Variants in SPDYE5 observed in about 807,000 individuals in gnomAD.
The protein encoded by SPDYE5 is speedy protein E5.
A neutral mutation model predicts 48.5 loss-of-function variants in SPDYE5; 15 were observed. The observed-to-expected ratio is 0.31, with a 90% CI of 0.21 to 0.48. The LOEUF is 0.48. SPDYE5 is among the 20% of genes least tolerant of loss of function. The probability of loss-of-function intolerance (pLI) is 0.99; values close to 1 mark genes in which losing one functional copy is unlikely to be tolerated. For synonymous variants in SPDYE5, 116 were observed against 200.7 expected (o/e 0.58, Z 3.57); for missense variants, 331 against 549.1 (o/e 0.60, Z 3.97).
rs1554481858 is a variant in SPDYE5, at chr7:75,492,344, G to C, written c.-519G>C. Among the ~76,000 whole-genome samples the C allele has an allele frequency of 2.6e-5, 4 of 152,050 alleles. No homozygotes were observed. The stretch of plus-strand genomic sequence containing the variant: ...TAACAATGGGACTTCCACAGCAATG[G>C]GATCTGCTTCCTCTTTCAGTGTGTG... On this transcript the variant is annotated 5_prime_UTR_variant, in exon 1 of 9. Coordinates refer to ENST00000625065, the MANE Select transcript of SPDYE5 (RefSeq NM_001306141.4).
upstream of SPDYE5, among the ~76,000 whole-genome samples, chr7:75,491,867 C>G (rs1792748322): frequency 6.6e-6 from 1 of 151,754 alleles, no homozygotes; most frequent in African/African-American, 2.4e-5. Flanking sequence ...TGTGCACCCC[C>G]ACGCCCAGCT....
chr7:75,494,291 A>T, intron 2 of SPDYE5, 84 bp downstream of exon 2: 9 of 1,501,950 alleles, frequency 6.0e-6, no homozygotes, highest in Non-Finnish European at 8.0e-6. Flanking sequence ...CACGCCTGTA[A>T]CCCCAGCACT....
intron 2 of SPDYE5, 125 bp downstream of exon 2, chr7:75,494,332 G>A (rs1792844801): frequency 7.4e-7 from 1 of 1,348,932 alleles, no homozygotes; most frequent in Non-Finnish European, 9.9e-7. Context: ...GATCACCTGA[G>A]GTCAGGAGTT....
intron 6 of SPDYE5, 128 bp downstream of exon 6, chr7:75,499,444 G>A: frequency 5.7e-6 from 4 of 696,648 alleles, no homozygotes; most frequent in South Asian, 4.9e-5. Context: ...AAAAAGAGAG[G>A]ATTATACTAT....
In SPDYE5 at chr7:75,501,927, A is replaced by C. The variant is rs794362; in HGVS notation, c.1199A>C (p.His400Pro). 2.5e-6 allele frequency: 4 copies of C among 1,605,868 alleles called. No homozygotes were observed. In the East Asian group the frequency reaches 8.9e-5, roughly 36 times the overall value. The change falls in exon 8 of 9, where the codon CAC becomes CCC. Residue 400 changes from histidine to proline, a missense_variant. By Grantham distance (77) the His-to-Pro change is moderately conservative (BLOSUM62 -2). Coordinates refer to ENST00000625065, the MANE Select transcript of SPDYE5 (RefSeq NM_001306141.4). ...TGGGTGTGGGCGCGAGATCGCGCTCACCTTTCCTAGAGCTCCAGGGACCGT... is the reference window on the plus strand; with the variant it reads ...TGGGTGTGGGCGCGAGATCGCGCTCCCCTTTCCTAGAGCTCCAGGGACCGT... ...EHWVWARDRA[H>P]LS
At chr7:75,501,270 A>G (rs794364) in intron 6 of SPDYE5, 92 bp from the exon 7 acceptor site, 671,101 of 1,579,844 alleles carry the variant, frequency 0.42, 153,793 homozygotes, top group East Asian at 0.9. Flanking sequence ...TGAGCTAGGG[A>G]CGGTCCCTTA....
chr7:75,495,630 G>C (rs1352212378), intron 3 of SPDYE5, among the ~76,000 whole-genome samples: 1 of 152,226 alleles, frequency 6.6e-6, no homozygotes. Flanking sequence ...TGAGATCCTA[G>C]CACGTTGGGA....
rs1426507038 is a variant in SPDYE5 at position 75,504,170 on chromosome 7, T to C, written c.*1383T>C. ...GAGAATTCAGGTGTAATTTTTTACC[T>C]TGTTTTGGCATGTTTGTATGTTACT... On this transcript the variant is annotated 3_prime_UTR_variant, in exon 9 of 9. Coordinates refer to ENST00000625065, the MANE Select transcript of SPDYE5 (RefSeq NM_001306141.4). 8.5e-5 allele frequency: 13 copies of C among 152,212 alleles called. No homozygotes were observed. The allele number at this position is 152,212 out of a possible 1,614,324, so 9.4% of individuals were successfully genotyped here. A position where few individuals can be genotyped will look rare whatever the true frequency, so the allele number is the denominator to read the frequency against.
In SPDYE5 at chr7:75,493,917, G is replaced by A. The variant is rs62477719; in HGVS notation, c.-131G>A. The A allele has an allele frequency of 0.42, 616,587 of 1,479,992 alleles. 135,518 individuals carry two copies. The highest frequency in any genetic ancestry group is 0.71 in the East Asian group (28,444 of 40,126). 91.7% of individuals were successfully genotyped at this position (1,479,992 alleles called of 1,614,324 possible). ...TCCGACCATCCTGATTGGAGGGACC[G>A]GACTCCGTGGTGCCTGGAGATCAGT... On this transcript the variant is annotated 5_prime_UTR_variant, in exon 2 of 9. Coordinates refer to ENST00000625065, the MANE Select transcript of SPDYE5 (RefSeq NM_001306141.4).
Position 75,501,620 on chromosome 7 carries a change from G to C in SPDYE5, c.1014G>C (p.Arg338=). Residue 338 remains arginine, a synonymous_variant, in exon 7 of 9, where the codon CGG becomes CGC. Coordinates refer to ENST00000625065, the MANE Select transcript of SPDYE5 (RefSeq NM_001306141.4). The part of the protein sequence containing the change: ...RSRIPLLRKR[R]FQLGRSMNLR... ...GCATACCCTTGCTCCGTAAGCGTCG[G>C]TTCCAGTTAGGCCGTTCCATGAACC... 6.2e-7 allele frequency: 1 copy of C among 1,613,178 alleles called. No homozygotes were observed. Among genetic ancestry groups the C allele is most frequent in the Non-Finnish European group, 8.5e-7 (1 of 1,179,652 alleles).
In SPDYE5 at chr7:75,494,017, T is replaced by C. The variant is rs1243644882; in HGVS notation, c.-31T>C. 20 of 1,333,772 alleles carry C rather than the reference T, an allele frequency of 1.5e-5. No homozygotes were observed. Among genetic ancestry groups the C allele is most frequent in the Non-Finnish European group, 1.7e-5 (17 of 984,638 alleles). The allele number at this position is 1,333,772 out of a possible 1,614,324, so 82.6% of individuals were successfully genotyped here. Reference sequence around the variant, plus strand: ...GGCTTGAGAATTGATAACATACTCTTCTGGATCCTAGCAGTGATCAGAAGA... The same window carrying C: ...GGCTTGAGAATTGATAACATACTCTCCTGGATCCTAGCAGTGATCAGAAGA... On this transcript the variant is annotated 5_prime_UTR_variant, in exon 2 of 9. Coordinates refer to ENST00000625065, the MANE Select transcript of SPDYE5 (RefSeq NM_001306141.4).
chr7:75,503,796 TTAAA>T lies in SPDYE5; in HGVS notation c.*1012_*1015del, dbSNP rs2116633137. 1 of 149,800 alleles carries T rather than the reference TTAAA, an allele frequency of 6.7e-6. No homozygotes were observed. Among genetic ancestry groups the T allele is most frequent in the African/African-American group, 2.4e-5 (1 of 41,190 alleles). 9.3% of individuals were successfully genotyped at this position (149,800 alleles called of 1,614,324 possible). A position where few individuals can be genotyped will look rare whatever the true frequency, so the allele number is the denominator to read the frequency against. ...ATTATTTTATTTATTGAAATATTTA[TTAAA>T]TATATTTATTTAAATATTATTACTT... On this transcript the variant is annotated 3_prime_UTR_variant, in exon 9 of 9. Coordinates refer to ENST00000625065, the MANE Select transcript of SPDYE5 (RefSeq NM_001306141.4).
chr7:75,498,399 T>C (rs1262612776), intron 5 of SPDYE5, among the ~76,000 whole-genome samples: 13 of 152,090 alleles, frequency 8.5e-5, no homozygotes, highest in African/African-American at 2.4e-4. Flanking sequence ...GCTGAGATTA[T>C]AGACGTCAGC....
At chr7:75,499,072 ACCCCTCCATC>A (rs1409990941) in intron 5 of SPDYE5, among the ~76,000 whole-genome samples, 149 bp from the exon 6 acceptor site, 1 of 148,784 alleles carries the variant, frequency 6.7e-6, no homozygotes, top group Non-Finnish European at 1.5e-5. Flanking sequence ...ACCTTCGAAT[ACCCCTCCATC>A]CCGCAATTTC....
At chr7:75,495,842 C>A (rs1316246732) in intron 3 of SPDYE5, among the ~76,000 whole-genome samples, 1 of 151,934 alleles carries the variant, frequency 6.6e-6, no homozygotes, top group Non-Finnish European at 1.5e-5. Context: ...TTGTTCGAGA[C>A]CAACCAGACC....
Position 75,493,838 on chromosome 7 carries a change from T to A in SPDYE5, c.-210T>A. 6.9e-7 allele frequency: 1 copy of A among 1,439,366 alleles called. No individual in the cohort carries two copies. The highest frequency in any genetic ancestry group is 9.1e-7 in the Non-Finnish European group (1 of 1,102,156). 89.2% of individuals were successfully genotyped at this position (1,439,366 alleles called of 1,614,324 possible). A position where few individuals can be genotyped will look rare whatever the true frequency, so the allele number is the denominator to read the frequency against. On this transcript the variant is annotated 5_prime_UTR_variant, in exon 2 of 9. An upstream start codon of the reference 5' UTR is lost. Coordinates refer to ENST00000625065, the MANE Select transcript of SPDYE5 (RefSeq NM_001306141.4). Reference sequence around the variant, plus strand: ...ACAAGAGATCAGCCTGGCAGTTACATGTGTTTTTTTTCAAACTGGTTGCCA... The same window carrying A: ...ACAAGAGATCAGCCTGGCAGTTACAAGTGTTTTTTTTCAAACTGGTTGCCA...
chr7:75,503,142 GA>G lies in SPDYE5; in HGVS notation c.*356del, dbSNP rs1167849942. The G allele has an allele frequency of 2.2e-6, 1 of 447,164 alleles. No individual in the cohort carries two copies. The highest frequency in any genetic ancestry group is 4.4e-6 in the Non-Finnish European group (1 of 226,656). The allele number at this position is 447,164 out of a possible 1,614,324, so 27.7% of individuals were successfully genotyped here. ...TCCAACCTCCCTGGGGCGGAACCTG[GA>G]GGTCCTGTTTCTTATGGACTTGGTT... On this transcript the variant is annotated 3_prime_UTR_variant, in exon 9 of 9. Transcript: ENST00000625065.
At position 75,495,354 on chromosome 7, in the gene SPDYE5, A is replaced by C; in HGVS notation, c.359A>C (p.Lys120Thr). ...TCACCCATCCTCCCTGAGCACCACA[A>C]GGGCTTCAACAGTCAGCTTGGTAGG... ...RVSPILPEHH[K>T]GFNSQLAPGV... is the part of the protein sequence containing the mutation. The change falls in exon 3 of 9, where the codon AAG becomes ACG. Residue 120 changes from lysine (K) to threonine (T), a missense_variant. This residue lies in a region of SPDYE5 where 65 missense variants were observed against 138.2 expected (regional missense o/e 0.47). Coordinates refer to ENST00000625065, the MANE Select transcript of SPDYE5 (RefSeq NM_001306141.4). 1 of 1,597,666 alleles carries C rather than the reference A, an allele frequency of 6.3e-7. No homozygotes were observed. Among genetic ancestry groups the C allele is most frequent in the Non-Finnish European group, 8.5e-7 (1 of 1,179,930 alleles).
chr7:75,497,067 T>TA (rs1792961575), intron 4 of SPDYE5, among the ~76,000 whole-genome samples, 163 bp downstream of exon 4: 1 of 151,678 alleles, frequency 6.6e-6, no homozygotes, highest in South Asian at 2.1e-4. Context: ...TAGGAGATGA[T>TA]AAAGGATTAG....
Sources: allele counts gnomAD v4.1 joint callset (sites outside exome capture counted in the v4.1 genomes callset), GRCh38; gene constraint gnomAD v4.1.1; regional missense constraint gnomAD v4.1.1; transcripts MANE v1.5; gene names NCBI Gene and HGNC (gene_info 2026-07-23, HGNC 2026-07-21).